The following NADSYN1 variants were observed in gnomAD, a reference collection of about 807,000 sequenced individuals.
The protein encoded by NADSYN1 is NAD synthetase 1, also known as glutamine-dependent NAD(+) synthetase.
Under a neutral mutation model 99.3 loss-of-function variants are expected in NADSYN1, and 80 were observed. The ratio of observed to expected loss-of-function variants is 0.81; its 90% CI spans 0.67 to 0.97. The LOEUF is 0.97. Among genes scored for constraint, NADSYN1 ranks in the 50% least tolerant of loss-of-function variants. NADSYN1 has a pLI of 0.00. For synonymous variants in NADSYN1, 385 were observed against 372.1 expected, an observed-to-expected ratio of 1.03 and a Z score of -0.40; for missense variants, 859 against 948.5, an observed-to-expected ratio of 0.91 and a Z score of 1.24.
At chr11:71,490,312 C>T (rs1949770330) in intron 16 of NADSYN1, among the ~76,000 whole-genome samples, 7 of 152,314 alleles carry the variant, frequency 4.6e-5, no homozygotes, top group African/African-American at 1.7e-4. Flanking sequence ...ATTTCAGGCC[C>T]ACCCTGCAAT....
At chr11:71,497,434 C>T (rs780900779) in intron 18 of NADSYN1, 49 bp from the exon 19 acceptor site, 1 of 1,612,302 alleles carries the variant, frequency 6.2e-7, no homozygotes, top group African/African-American at 1.3e-5. Context: ...TAGGCTCTCC[C>T]CCCGCTGTGA....
chr11:71,488,433 A>ATGACT (rs1451835675), intron 16 of NADSYN1, among the ~76,000 whole-genome samples: 2 of 152,098 alleles, frequency 1.3e-5, no homozygotes, highest in African/African-American at 4.8e-5. Context: ...GCCCTGAGTC[A>ATGACT]TGACTCCCCC....
intron 5 of NADSYN1, among the ~76,000 whole-genome samples, chr11:71,470,091 C>T (rs1053064145): frequency 1.3e-5 from 2 of 152,224 alleles, no homozygotes; most frequent in Non-Finnish European, 2.9e-5. Flanking sequence ...CCATGTCTTA[C>T]ATAGCGGCAG....
chr11:71,476,305 G>A (rs976015428), intron 9 of NADSYN1: 6 of 356,840 alleles, frequency 1.7e-5, no homozygotes, highest in Admixed American at 3.7e-5. Context: ...CACCGGAGGC[G>A]AGTTCTGCAG....
At chr11:71,454,712 C>G (rs1474194020) in intron 1 of NADSYN1, among the ~76,000 whole-genome samples, 1 of 152,210 alleles carries the variant, frequency 6.6e-6, no homozygotes, top group Non-Finnish European at 1.5e-5. Flanking sequence ...GATCGTAATC[C>G]TCTAAGTCCT....
rs547470892 is a variant in NADSYN1, at chr11:71,478,458, C to A, written c.862C>A (p.Arg288=). The change falls in exon 10 of 21, where the codon CGA becomes AGA. Residue 288 remains arginine (R), a synonymous_variant. Transcript: ENST00000319023. ...VRSYRAEISS[R]NLAASRASPY... ...GAGCTACAGGGCGGAGATTTCATCT[C>A]GAAACCTGGCGGTGAGTGCTCCAGT... 42 of 1,604,694 alleles carry A rather than the reference C, an allele frequency of 2.6e-5. No individual in the cohort carries two copies. The South Asian group carries it at 4.3e-4, about 16-fold the overall frequency.
chr11:71,500,766 C>T (rs1195964664), intron 20 of NADSYN1, among the ~76,000 whole-genome samples: 2 of 152,160 alleles, frequency 1.3e-5, no homozygotes, highest in South Asian at 2.1e-4. Flanking sequence ...CCCTATATCC[C>T]CTGCTGTGGC....
chr11:71,490,969 C>T lies in NADSYN1; in HGVS notation c.1687C>T (p.Leu563=). ...CATCCAGCGCTTCCAGCTTCCTGCC[C>T]TGCAGAGGTGAGTGTGCTCACGGGC... ...FCIQRFQLPA[L]QSILLAPATA... The change falls in exon 17 of 21, where the codon CTG becomes TTG. Residue 563 remains leucine, a synonymous_variant. Transcript: ENST00000319023. 6.2e-7 allele frequency: 1 copy of T among 1,614,166 alleles called. No individual in the cohort carries two copies. Among genetic ancestry groups the T allele is most frequent in the Non-Finnish European group, 8.5e-7 (1 of 1,180,012 alleles).
chr11:71,460,697 AG>A (rs34448346), intron 3 of NADSYN1: 81,292 of 152,018 alleles, frequency 0.53, 25,536 homozygotes, highest in Non-Finnish European at 0.74. Context: ...TCATATTTGA[AG>A]GTATTTTTTC....
At chr11:71,476,724 C>A in intron 9 of NADSYN1, 2 of 985,904 alleles carry the variant, frequency 2.0e-6, no homozygotes, top group Non-Finnish European at 2.4e-6. Flanking sequence ...TCCCCGTTCA[C>A]GTCAGAGCCA....
At chr11:71,457,923 G>A (rs969502831) in intron 2 of NADSYN1, among the ~76,000 whole-genome samples, 2 of 152,152 alleles carry the variant, frequency 1.3e-5, no homozygotes, top group Admixed American at 6.5e-5. Context: ...GGTCACCTTC[G>A]CAGGTTTCTA....
At chr11:71,484,615 T>C in intron 15 of NADSYN1, 168 bp downstream of exon 15, 1 of 996,550 alleles carries the variant, frequency 1.0e-6, no homozygotes, top group Non-Finnish European at 1.4e-6. Context: ...TATGCCTCAC[T>C]GAAGACGTCG....
chr11:71,494,789 A>T (rs1949808826), intron 18 of NADSYN1, among the ~76,000 whole-genome samples: 1 of 152,156 alleles, frequency 6.6e-6, no homozygotes. Context: ...TCCCGACCTC[A>T]GGTGATCCAC....
In NADSYN1 at chr11:71,501,570, C is replaced by T. The variant is rs1342473330; in HGVS notation, c.*218C>T. ...GGAATCCAATGCACATGATTTTGAC[C>T]TCCCGCCAGCGTGCGCTTCCCCGCG... On this transcript the variant is annotated 3_prime_UTR_variant, in exon 21 of 21. Transcript: ENST00000319023. 5.4e-5 allele frequency: 30 copies of T among 551,272 alleles called. No individual in the cohort carries two copies. The South Asian group carries it at 5.8e-4, about 11-fold the overall frequency. 34.1% of individuals were successfully genotyped at this position (551,272 alleles called of 1,614,324 possible). A position where few individuals can be genotyped will look rare whatever the true frequency, so the allele number is the denominator to read the frequency against.
intron 18 of NADSYN1, among the ~76,000 whole-genome samples, chr11:71,496,234 GT>G (rs1949817665): frequency 6.6e-6 from 1 of 152,208 alleles, no homozygotes; most frequent in African/African-American, 2.4e-5. Flanking sequence ...TGAAATCAAG[GT>G]GTTGGCAGAG....
At chr11:71,463,583 T>C (rs774500809) in intron 4 of NADSYN1, 98 bp downstream of exon 4, 18 of 1,203,146 alleles carry the variant, frequency 1.5e-5, no homozygotes, top group Non-Finnish European at 2.1e-5. Context: ...TGGGGACCCG[T>C]TGCTGGGAGG....
chr11:71,481,745 C>T (rs1393464668), intron 12 of NADSYN1, 178 bp from the exon 13 acceptor site: 1 of 618,536 alleles, frequency 1.6e-6, no homozygotes, highest in Non-Finnish European at 2.8e-6. Flanking sequence ...TTTTTTCCCT[C>T]TGAAAAATCC....
In NADSYN1 at chr11:71,497,560, C is replaced by T; in HGVS notation, c.1842C>T (p.Ser614=). ...LRKVAKMGPY[S]MFCKLLGMWR... is the part of the protein sequence containing the mutation. ...AGGTGGCCAAGATGGGGCCCTACAG[C>T]ATGTTCTGCAAACTCCTCGGCATGT... Residue 614 remains serine (S), a synonymous_variant, in exon 19 of 21, where the codon AGC becomes AGT. Coordinates refer to ENST00000319023, the MANE Select transcript of NADSYN1 (RefSeq NM_018161.5). 6.2e-7 allele frequency: 1 copy of T among 1,614,174 alleles called. No individual in the cohort carries two copies. Among genetic ancestry groups the T allele is most frequent in the Non-Finnish European group, 8.5e-7 (1 of 1,180,036 alleles).
intron 18 of NADSYN1, among the ~76,000 whole-genome samples, chr11:71,494,060 G>T (rs1949803029): frequency 6.6e-6 from 1 of 152,152 alleles, no homozygotes; most frequent in Non-Finnish European, 1.5e-5. Flanking sequence ...ATTATTGAAG[G>T]AAGAAAAATA....
Sources: allele counts gnomAD v4.1 joint callset (sites outside exome capture counted in the v4.1 genomes callset), GRCh38; gene constraint gnomAD v4.1.1; transcripts MANE v1.5; gene names NCBI Gene and HGNC (gene_info 2026-07-23, HGNC 2026-07-21).